The following GRIK3 variants were observed in gnomAD, a reference collection of about 807,000 sequenced individuals.
The protein encoded by GRIK3 is glutamate receptor ionotropic, kainate 3.
In GRIK3, 29 loss-of-function variants were observed where a neutral mutation model predicts 102.5. The observed-to-expected ratio is 0.28, with a 90% CI of 0.21 to 0.39. GRIK3 has a LOEUF of 0.39. Ranked by LOEUF, GRIK3 falls within the 10% of genes least tolerant of loss-of-function variation. GRIK3 has a pLI of 1.00. For missense variants in GRIK3, 908 were observed against 1,252.4 expected, an observed-to-expected ratio of 0.73 and a Z score of 4.15; for synonymous variants, 511 against 504.9, an observed-to-expected ratio of 1.01 and a Z score of -0.16.
intron 7 of GRIK3, among the ~76,000 whole-genome samples, chr1:36,853,927 T>G (rs563422406): frequency 2.0e-5 from 3 of 152,232 alleles, no homozygotes; most frequent in Non-Finnish European, 4.4e-5. Flanking sequence ...TTTAGCCAGC[T>G]TTACATTTGC....
chr1:36,833,749 G>A (rs949476844), intron 10 of GRIK3, among the ~76,000 whole-genome samples: 1 of 152,216 alleles, frequency 6.6e-6, no homozygotes, highest in African/African-American at 2.4e-5. Context: ...CTGGAGGCTG[G>A]GAAACCAGAG....
At chr1:36,935,499 C>T (rs1047554474) in intron 1 of GRIK3, among the ~76,000 whole-genome samples, 4 of 151,996 alleles carry the variant, frequency 2.6e-5, no homozygotes, top group Non-Finnish European at 4.4e-5. Context: ...GTCCTATGAC[C>T]GCTCTGTATC....
chr1:36,837,350 G>A (rs1253969269), intron 10 of GRIK3, among the ~76,000 whole-genome samples: 2 of 152,108 alleles, frequency 1.3e-5, no homozygotes, highest in Admixed American at 6.5e-5. Flanking sequence ...ATGTGAGCAG[G>A]ACACCATCAC....
At chr1:36,943,143 A>T (rs1241535757) in intron 1 of GRIK3, among the ~76,000 whole-genome samples, 1 of 146,110 alleles carries the variant, frequency 6.8e-6, no homozygotes, top group African/African-American at 2.5e-5. Context: ...CCATGGTCAC[A>T]TTCATCTAAA....
rs917104490 is a variant in GRIK3, at chr1:36,817,866, C to G, written c.1874-589G>C. On this transcript the variant is annotated intron_variant, in intron 12 of 15. Coordinates refer to ENST00000373091, the MANE Select transcript of GRIK3 (RefSeq NM_000831.4). Reference sequence around the variant, plus strand: ...TTGAGAAGAAATTGCATTGGAAATACAAATGGTATACAAATACAAGATTGC... The same window carrying G: ...TTGAGAAGAAATTGCATTGGAAATAGAAATGGTATACAAATACAAGATTGC... Among the ~76,000 whole-genome samples the G allele has an allele frequency of 6.6e-5, 10 of 152,116 alleles. 1 individual carries two copies. The highest frequency in any genetic ancestry group is 2.6e-4 in the Admixed American group (4 of 15,258).
Position 36,853,596 on chromosome 1 carries a change from C to T in GRIK3, c.1212+19G>A, listed in dbSNP as rs1476383158. ...GCCCCTGCTCCTCCGCCTGCCCTCC[C>T]TCTCCTGAGACCACGCACCTTCTCC... On this transcript the variant is annotated intron_variant, in intron 8 of 15. Coordinates refer to ENST00000373091, the MANE Select transcript of GRIK3 (RefSeq NM_000831.4). 1.3e-6 allele frequency: 2 copies of T among 1,534,398 alleles called. No individual in the cohort carries two copies. The highest frequency in any genetic ancestry group is 1.8e-6 in the Non-Finnish European group (2 of 1,107,012).
At chr1:36,982,646 C>A (rs184646292) in intron 1 of GRIK3, among the ~76,000 whole-genome samples, 18 of 152,312 alleles carry the variant, frequency 1.2e-4, no homozygotes, top group African/African-American at 4.3e-4. Context: ...CTCAGCCAGG[C>A]CAAGCCTTCT....
rs1642678717 is a variant in GRIK3, at chr1:36,819,945, C to A, written c.1755-91G>T. Reference sequence around the variant, plus strand: ...GGTTTAGCAAACACAGCTGTGCCAGCCGCCTCAGCGTCAATATCCTCATGG... The same window carrying A: ...GGTTTAGCAAACACAGCTGTGCCAGACGCCTCAGCGTCAATATCCTCATGG... On this transcript the variant is annotated intron_variant, in intron 11 of 15. Transcript: ENST00000373091. This position sits in a 1 kb window ranked among gnomAD's most constrained non-coding sequence, Gnocchi z 4.1. 1 of 712,758 alleles carries A rather than the reference C, an allele frequency of 1.4e-6. No homozygotes were observed. Among genetic ancestry groups the A allele is most frequent in the Non-Finnish European group, 2.6e-6 (1 of 388,664 alleles). The allele number at this position is 712,758 out of a possible 1,614,324, so 44.2% of individuals were successfully genotyped here.
At chr1:37,004,034 C>A (rs1357957029) in intron 1 of GRIK3, among the ~76,000 whole-genome samples, 2 of 152,136 alleles carry the variant, frequency 1.3e-5, no homozygotes, top group African/African-American at 4.8e-5. Flanking sequence ...AGCACTCGGC[C>A]CAATCTCTGC....
At chr1:36,985,342 G>T (rs1398796435) in intron 1 of GRIK3, among the ~76,000 whole-genome samples, 1 of 152,150 alleles carries the variant, frequency 6.6e-6, no homozygotes, top group Non-Finnish European at 1.5e-5. Flanking sequence ...AGTGCTAAAA[G>T]CCTGGTCTTT....
intron 1 of GRIK3, among the ~76,000 whole-genome samples, chr1:36,969,586 G>A (rs920727467): frequency 5.9e-5 from 9 of 152,380 alleles, no homozygotes; most frequent in African/African-American, 2.2e-4. Flanking sequence ...CTGGAGTAGA[G>A]AGAGTAGAGA....
At chr1:36,971,502 G>A (rs1444649186) in intron 1 of GRIK3, among the ~76,000 whole-genome samples, 3 of 152,170 alleles carry the variant, frequency 2.0e-5, no homozygotes, top group African/African-American at 7.2e-5. Context: ...CACACTTAGA[G>A]TTGGGCCTCT....
chr1:36,805,475 T>C (rs1217365241), intron 14 of GRIK3, among the ~76,000 whole-genome samples: 1 of 152,100 alleles, frequency 6.6e-6, no homozygotes, highest in Non-Finnish European at 1.5e-5. Context: ...CTCCCTGAAG[T>C]CCCAGTGCCC....
At chr1:36,826,891 C>T (rs922970346) in intron 10 of GRIK3, among the ~76,000 whole-genome samples, 2 of 152,094 alleles carry the variant, frequency 1.3e-5, no homozygotes, top group Non-Finnish European at 2.9e-5. Flanking sequence ...TTCCCTCATT[C>T]CCATCCCATC....
chr1:36,872,076 G>A lies in GRIK3; in HGVS notation c.732+112C>T, dbSNP rs1570772043. ...GGTCACACAGCAGGAAAGTGGCAGA[G>A]CTAGGAGTCAAACTTAGATCTGGCA... On this transcript the variant is annotated intron_variant, in intron 4 of 15. Coordinates refer to ENST00000373091, the MANE Select transcript of GRIK3 (RefSeq NM_000831.4). The surrounding 1 kb of genome is among the most constrained non-coding windows in gnomAD (Gnocchi z 5.9). The A allele has an allele frequency of 9.8e-7, 1 of 1,019,028 alleles. No homozygotes were observed. Among genetic ancestry groups the A allele is most frequent in the Non-Finnish European group, 1.4e-6 (1 of 711,366 alleles). 63.1% of individuals were successfully genotyped at this position (1,019,028 alleles called of 1,614,324 possible).
intron 9 of GRIK3, among the ~76,000 whole-genome samples, chr1:36,844,997 A>G (rs1485766726): frequency 6.6e-6 from 1 of 152,200 alleles, no homozygotes; most frequent in African/African-American, 2.4e-5. Flanking sequence ...CCCAGAATCT[A>G]TACATCTCCA....
intron 4 of GRIK3, among the ~76,000 whole-genome samples, chr1:36,870,373 G>A (rs923194567): frequency 3.3e-5 from 5 of 152,232 alleles, no homozygotes; most frequent in African/African-American, 7.2e-5. Flanking sequence ...AATTCTTACC[G>A]TCTGCCATCA....
intron 1 of GRIK3, among the ~76,000 whole-genome samples, chr1:36,963,690 CCT>C (rs1003933909): frequency 7.9e-5 from 12 of 152,152 alleles, no homozygotes; most frequent in Non-Finnish European, 1.6e-4. Flanking sequence ...AGTGTGCTGG[CCT>C]CTCTGTGAGA....
chr1:37,009,550 A>G (rs1221778815), intron 1 of GRIK3, among the ~76,000 whole-genome samples: 5 of 152,194 alleles, frequency 3.3e-5, no homozygotes, highest in Non-Finnish European at 7.3e-5. Context: ...TTAAAAAAAG[A>G]ATCCACAGCA....
Sources: allele counts gnomAD v4.1 joint callset (sites outside exome capture counted in the v4.1 genomes callset), GRCh38; gene constraint gnomAD v4.1.1; non-coding constraint Gnocchi (gnomAD v3.1); transcripts MANE v1.5; gene names NCBI Gene and HGNC (gene_info 2026-07-23, HGNC 2026-07-21).